Variants in GRID2 observed in about 807,000 individuals in gnomAD.
The protein encoded by GRID2 is glutamate ionotropic receptor delta type subunit 2.
A neutral mutation model predicts 114.8 loss-of-function variants in GRID2; 33 were observed. The ratio of observed to expected loss-of-function variants is 0.29; its 90% CI spans 0.22 to 0.38. The LOEUF is 0.38. GRID2 is among the 10% of genes least tolerant of loss of function. GRID2 has a pLI of 1.00. For missense variants in GRID2, 1,184 were observed against 1,257.7 expected (o/e 0.94, Z 0.89); for synonymous variants, 505 against 449.9 (o/e 1.12, Z -1.55).
chr4:92,990,395 T>C (rs1477436254), intron 2 of GRID2, among the ~76,000 whole-genome samples: 1 of 151,592 alleles, frequency 6.6e-6, no homozygotes, highest in Admixed American at 6.6e-5. Context: ...TGGGTTCAAG[T>C]GATTCTCCTG....
chr4:93,526,535 C>T (rs1052742313), intron 13 of GRID2, among the ~76,000 whole-genome samples: 5 of 152,304 alleles, frequency 3.3e-5, no homozygotes, highest in East Asian at 3.9e-4. Flanking sequence ...ACAGGCCGGG[C>T]GCTGTGGCTC....
At chr4:93,076,698 A>C (rs545303135) in intron 2 of GRID2, among the ~76,000 whole-genome samples, 16 of 145,224 alleles carry the variant, frequency 1.1e-4, no homozygotes, top group Non-Finnish European at 2.1e-4. Flanking sequence ...GTTCACTGCA[A>C]CCTCAGCCTC....
intron 2 of GRID2, among the ~76,000 whole-genome samples, chr4:93,035,347 C>T (rs1226297493): frequency 6.6e-6 from 1 of 152,086 alleles, no homozygotes; most frequent in Non-Finnish European, 1.5e-5. Flanking sequence ...CTCCTTGGCT[C>T]AAGTGACAGG....
chr4:93,781,569 C>A (rs1041540768), intron 1 of GRID2, among the ~76,000 whole-genome samples: 1 of 152,040 alleles, frequency 6.6e-6, no homozygotes, highest in Non-Finnish European at 1.5e-5. Flanking sequence ...CCAGGACCCC[C>A]CTCAGATACC....
intron 1 of GRID2, among the ~76,000 whole-genome samples, chr4:92,391,509 A>C (rs1010084951): frequency 1.3e-5 from 2 of 152,200 alleles, no homozygotes; most frequent in African/African-American, 2.4e-5. Flanking sequence ...GTATATCATG[A>C]AAATGATAAA....
At chr4:93,079,111 G>T (rs908178106) in intron 2 of GRID2, among the ~76,000 whole-genome samples, 13 of 151,454 alleles carry the variant, frequency 8.6e-5, no homozygotes, top group African/African-American at 3.1e-4. Context: ...TAAAATGTAT[G>T]TGAAACCATT....
chr4:93,373,128 C>G (rs1763081854), intron 8 of GRID2, among the ~76,000 whole-genome samples: 1 of 152,120 alleles, frequency 6.6e-6, no homozygotes, highest in Non-Finnish European at 1.5e-5. Context: ...GTCTTATTTC[C>G]TATCATTTCC....
At chr4:92,825,832 T>A (rs895861246) in intron 2 of GRID2, among the ~76,000 whole-genome samples, 6 of 152,134 alleles carry the variant, frequency 3.9e-5, no homozygotes, top group African/African-American at 1.4e-4. Context: ...AGCCTTCATG[T>A]TCTTAGCAAC....
chr4:93,691,732 T>C (rs1017759657), intron 14 of GRID2, among the ~76,000 whole-genome samples: 31 of 152,050 alleles, frequency 2.0e-4, no homozygotes, highest in Admixed American at 1.3e-4. Context: ...AATTATAGTA[T>C]CTATTACCTG....
At chr4:92,332,410 C>T (rs886818231) in intron 1 of GRID2, among the ~76,000 whole-genome samples, 2 of 152,078 alleles carry the variant, frequency 1.3e-5, no homozygotes, top group Non-Finnish European at 2.9e-5. Context: ...CCCCAGCTCC[C>T]ACCACTATTG....
chr4:93,216,981 G>C, intron 6 of GRID2, 70 bp downstream of exon 6: 1 of 1,007,314 alleles, frequency 9.9e-7, no homozygotes, highest in Non-Finnish European at 1.6e-6. Context: ...AGCTTTATGA[G>C]TTGCATTGGA....
intron 1 of GRID2, among the ~76,000 whole-genome samples, chr4:92,384,452 ATATATATATATATATATATATATATATT>A (rs2110243784): frequency 3.1e-5 from 1 of 32,766 alleles, no homozygotes; most frequent in Admixed American, 8.0e-4. Context: ...ATATATATAT[ATATATATATATATATATATATATATATT>A]ATTTATATAT....
rs186365935 is a variant in GRID2 at position 92,902,564 on chromosome 4, G to A, written c.245-182431G>A. 1.1e-4 allele frequency among the ~76,000 whole-genome samples: 17 copies of A among 151,978 alleles called. No individual in the cohort carries two copies. The East Asian group carries it at 3.3e-3, about 29-fold the overall frequency. ...TCCAGGTCTCAGTCATAAATTCTTT[G>A]CCTAGGCCAATGACCAGAACAGTTT... On this transcript the variant is annotated intron_variant, in intron 2 of 15. Coordinates refer to ENST00000282020, the MANE Select transcript of GRID2 (RefSeq NM_001510.4).
At chr4:92,730,506 AT>A (rs1452862472) in intron 2 of GRID2, among the ~76,000 whole-genome samples, 1 of 151,912 alleles carries the variant, frequency 6.6e-6, no homozygotes, top group African/African-American at 2.4e-5. Context: ...TTTTGTAGCC[AT>A]TTTCTTTATG....
intron 2 of GRID2, among the ~76,000 whole-genome samples, chr4:92,626,664 G>C (rs1203755248): frequency 6.6e-6 from 1 of 151,986 alleles, no homozygotes; most frequent in Non-Finnish European, 1.5e-5. Context: ...GCTTTCCCAA[G>C]TATTTTACAA....
intron 2 of GRID2, among the ~76,000 whole-genome samples, chr4:92,905,914 G>A (rs1034896830): frequency 2.6e-5 from 4 of 152,062 alleles, no homozygotes; most frequent in East Asian, 3.9e-4. Flanking sequence ...TACTGAGTTC[G>A]CTCTATAATT....
chr4:93,648,068 G>A (rs1248611194), intron 14 of GRID2, among the ~76,000 whole-genome samples: 1 of 152,130 alleles, frequency 6.6e-6, no homozygotes, highest in African/African-American at 2.4e-5. Flanking sequence ...GACTTCAGCT[G>A]TCATGCCCTT....
At chr4:93,381,844 T>C (rs11097362) in intron 8 of GRID2, among the ~76,000 whole-genome samples, 66,196 of 152,020 alleles carry the variant, frequency 0.44, 15,397 homozygotes, top group East Asian at 0.7. Flanking sequence ...TACTGTGATA[T>C]TTATTTCTTC....
At chr4:92,717,447 C>T (rs1407075660) in intron 2 of GRID2, among the ~76,000 whole-genome samples, 1 of 152,092 alleles carries the variant, frequency 6.6e-6, no homozygotes, top group Non-Finnish European at 1.5e-5. Context: ...CTGACAGGTG[C>T]CTGTCAAGAA....
Sources: gnomAD v4.1 joint callset for allele counts (sites outside exome capture counted in the v4.1 genomes callset) on GRCh38, gnomAD v4.1.1 for gene constraint, MANE v1.5 for transcripts, NCBI Gene and HGNC (gene_info 2026-07-23, HGNC 2026-07-21) for gene names.